The following FHIT variants were observed in gnomAD, a reference collection of about 807,000 sequenced individuals.
FHIT encodes bis(5'-adenosyl)-triphosphatase.
Under a neutral mutation model 17.9 loss-of-function variants are expected in FHIT, and 19 were observed. That is an observed-to-expected ratio of 1.06 (90% CI 0.74 to 1.56). FHIT has a LOEUF of 1.56. Among genes scored for constraint, FHIT ranks in the 40% most tolerant of loss-of-function variants. The pLI, the probability that FHIT is intolerant of heterozygous loss-of-function variation, is 0.00. For synonymous variants in FHIT, 81 were observed against 69.7 expected (o/e 1.16, Z -0.81); for missense variants, 248 against 189.2 (o/e 1.31, Z -1.82).
At chr3:60,957,233 C>T (rs199913739) in intron 3 of FHIT, among the ~76,000 whole-genome samples, 5 of 97,140 alleles carry the variant, frequency 5.1e-5, no homozygotes, top group South Asian at 3.9e-4. Flanking sequence ...TTCTTTCTTT[C>T]TTTTTTTTTT....
intron 5 of FHIT, among the ~76,000 whole-genome samples, chr3:60,124,025 G>GAC (rs1553690960): frequency 3.2e-3 from 169 of 53,500 alleles, no homozygotes; most frequent in Non-Finnish European, 7.2e-3. Flanking sequence ...GAGAGAGAGA[G>GAC]AGAGAGAGAG....
chr3:61,090,666 A>C (rs1308412332), intron 2 of FHIT, among the ~76,000 whole-genome samples: 1 of 152,146 alleles, frequency 6.6e-6, no homozygotes, highest in Non-Finnish European at 1.5e-5. Context: ...GTGTGTAGAG[A>C]TAAAGAGAGA....
At chr3:60,219,977 G>C (rs181023712) in intron 5 of FHIT, among the ~76,000 whole-genome samples, 1 of 152,200 alleles carries the variant, frequency 6.6e-6, no homozygotes, top group African/African-American at 2.4e-5. Flanking sequence ...TTGCAGCCGA[G>C]GAAAATCCTT....
At chr3:60,575,814 G>C (rs1448248063) in intron 4 of FHIT, among the ~76,000 whole-genome samples, 2 of 152,108 alleles carry the variant, frequency 1.3e-5, no homozygotes, top group Admixed American at 1.3e-4. Context: ...GCAGTGCAAA[G>C]GAACAATGAG....
intron 3 of FHIT, among the ~76,000 whole-genome samples, chr3:60,823,715 A>G (rs1575568830): frequency 6.6e-6 from 1 of 152,212 alleles, no homozygotes; most frequent in South Asian, 2.1e-4. Context: ...GCCACTCAGT[A>G]TATGGTACTT....
intron 3 of FHIT, among the ~76,000 whole-genome samples, chr3:60,926,755 T>C (rs1309726049): frequency 6.6e-6 from 1 of 152,064 alleles, no homozygotes. Context: ...AAAAAATCAA[T>C]GAATCCAGGA....
intron 1 of FHIT, among the ~76,000 whole-genome samples, chr3:61,205,020 G>A (rs1434121451): frequency 7.3e-6 from 1 of 137,406 alleles, no homozygotes; most frequent in East Asian, 2.1e-4. Flanking sequence ...TCCTTCCTGT[G>A]TCCATGTGTT....
intron 8 of FHIT, among the ~76,000 whole-genome samples, chr3:59,884,547 G>T (rs533650700): frequency 3.6e-4 from 55 of 152,276 alleles, no homozygotes; most frequent in African/African-American, 1.3e-3. Flanking sequence ...TGTCATTGTT[G>T]AAGTTCCGTA....
At chr3:60,582,923 A>G (rs550282845) in intron 4 of FHIT, among the ~76,000 whole-genome samples, 29 of 152,028 alleles carry the variant, frequency 1.9e-4, no homozygotes, top group Middle Eastern at 3.2e-3. Flanking sequence ...CCAATACCAC[A>G]TATCAAAAAA....
chr3:60,797,980 T>C (rs900674498), intron 4 of FHIT, among the ~76,000 whole-genome samples: 2 of 152,198 alleles, frequency 1.3e-5, no homozygotes, highest in African/African-American at 4.8e-5. Context: ...ATATTCAAAT[T>C]GTATACATTT....
At chr3:60,131,060 T>TATAG (rs1699572213) in intron 5 of FHIT, among the ~76,000 whole-genome samples, 1 of 60,376 alleles carries the variant, frequency 1.7e-5, no homozygotes, top group Non-Finnish European at 3.0e-5. Context: ...TATACATACA[T>TATAG]ACACATGTAT....
At chr3:61,212,759 C>T (rs569873269) in intron 1 of FHIT, among the ~76,000 whole-genome samples, 159 of 152,312 alleles carry the variant, frequency 1.0e-3, no homozygotes, top group Non-Finnish European at 1.9e-3. Flanking sequence ...ACAGAAAGGT[C>T]GGGTTACCCA....
rs182521892 is a variant in FHIT at position 60,817,035 on chromosome 3, C to T, written c.-18+4884G>A. Among the ~76,000 whole-genome samples, 531 of 151,692 alleles carry T rather than the reference C, an allele frequency of 3.5e-3. 3 individuals carry two copies. The highest frequency in any genetic ancestry group is 5.7e-3 in the Admixed American group (87 of 15,208). On this transcript the variant is annotated intron_variant, in intron 4 of 9. Transcript: ENST00000492590. ...GGATTCTATTTTATCTTTGGATTTT[C>T]AGTGGTTTTTCTAGGAATTAAAACA...
intron 5 of FHIT, among the ~76,000 whole-genome samples, chr3:60,328,844 G>A (rs978653272): frequency 4.6e-5 from 7 of 152,170 alleles, no homozygotes; most frequent in Admixed American, 6.5e-5. Context: ...TCACAAATTG[G>A]AAGCAGCATT....
chr3:61,216,150 A>C (rs1163690098), intron 1 of FHIT, among the ~76,000 whole-genome samples: 4 of 152,218 alleles, frequency 2.6e-5, no homozygotes, highest in Non-Finnish European at 5.9e-5. Flanking sequence ...AATGGGATCT[A>C]ATTAAACTCA....
chr3:60,243,951 T>C (rs1244370374), intron 5 of FHIT, among the ~76,000 whole-genome samples: 1 of 152,128 alleles, frequency 6.6e-6, no homozygotes, highest in African/African-American at 2.4e-5. Context: ...ATCCTGACGT[T>C]ACCATCATGT....
In FHIT at chr3:60,117,494, T is replaced by TGAA. The variant is rs1378538733; in HGVS notation, c.104-103343_104-103342insTTC. On this transcript the variant is annotated intron_variant, in intron 5 of 9. Coordinates refer to ENST00000492590, the MANE Select transcript of FHIT (RefSeq NM_002012.4). ...GACCCAAAGTCTATTACTTCCTATC[T>TGAA]AAAAAAAAAAAAAAAAAAAAAAAAA... 3.2e-3 allele frequency among the ~76,000 whole-genome samples: 275 copies of TGAA among 86,804 alleles called. 3 individuals are homozygous for TGAA. The highest frequency in any genetic ancestry group is 0.02 in the Admixed American group (154 of 7,778). The allele number at this position is 86,804 out of a possible 152,430, so 56.9% of individuals were successfully genotyped here. A position where few individuals can be genotyped will look rare whatever the true frequency, so the allele number is the denominator to read the frequency against.
At chr3:60,000,418 A>G (rs1239251569) in intron 7 of FHIT, among the ~76,000 whole-genome samples, 2 of 152,200 alleles carry the variant, frequency 1.3e-5, no homozygotes, top group African/African-American at 4.8e-5. Context: ...TTTGTGCTGT[A>G]AAGTCAGATA....
At chr3:60,591,036 C>A (rs2734370) in intron 4 of FHIT, among the ~76,000 whole-genome samples, 73,818 of 151,774 alleles carry the variant, frequency 0.49, 18,470 homozygotes, top group Middle Eastern at 0.62. Flanking sequence ...GCAATAGTAC[C>A]GTTTCTACCT....
Sources: gnomAD v4.1 joint callset for allele counts (sites outside exome capture counted in the v4.1 genomes callset) on GRCh38, gnomAD v4.1.1 for gene constraint, MANE v1.5 for transcripts, NCBI Gene and HGNC (gene_info 2026-07-23, HGNC 2026-07-21) for gene names.